SLC24A3: variants seen among roughly 807,000 people sequenced by gnomAD.
SLC24A3 encodes the protein solute carrier family 24 member 3.
SLC24A3 carries 28 observed loss-of-function variants against 75.8 expected under a neutral mutation model. The observed-to-expected ratio is 0.37, with a 90% CI of 0.27 to 0.51. The LOEUF is 0.51. Ranked by LOEUF, SLC24A3 falls within the 20% of genes least tolerant of loss-of-function variation. The probability of loss-of-function intolerance (pLI) is 0.94; values close to 1 mark genes in which losing one functional copy is unlikely to be tolerated. For missense variants in SLC24A3, 663 were observed against 847.8 expected (o/e 0.78, Z 2.71); for synonymous variants, 372 against 334.1 (o/e 1.11, Z -1.24).
In SLC24A3 at chr20:19,541,949, G is replaced by A. The variant is rs114951708; in HGVS notation, c.348+26385G>A. On this transcript the variant is annotated intron_variant, in intron 3 of 16. Transcript: ENST00000328041. ...GAGTAAGGGGAGCAAGGAACAGGGA[G>A]AGGAAAAAGCCTCAGCTCCTGCCCT... Among the ~76,000 whole-genome samples the A allele has an allele frequency of 3.3e-3, 502 of 152,304 alleles. 4 individuals carry two copies. Among genetic ancestry groups the A allele is most frequent in the African/African-American group, 0.011 (454 of 41,574 alleles).
intron 15 of SLC24A3, among the ~76,000 whole-genome samples, chr20:19,710,955 C>T (rs1207389793): frequency 6.6e-6 from 1 of 152,242 alleles, no homozygotes; most frequent in Non-Finnish European, 1.5e-5. Flanking sequence ...AGCCAACCCT[C>T]ACCATGGCCT....
At chr20:19,673,472 C>T (rs1568692944) in intron 8 of SLC24A3, 129 bp from the exon 9 acceptor site, 4 of 725,134 alleles carry the variant, frequency 5.5e-6, no homozygotes, top group East Asian at 5.1e-5. Flanking sequence ...AGGAAATATC[C>T]GTCACCTAGC....
intron 7 of SLC24A3, among the ~76,000 whole-genome samples, chr20:19,663,088 A>G (rs1300453623): frequency 6.6e-6 from 1 of 151,990 alleles, no homozygotes; most frequent in Non-Finnish European, 1.5e-5. Context: ...GTTTTTTTAG[A>G]GACAGGGTCT....
intron 3 of SLC24A3, among the ~76,000 whole-genome samples, chr20:19,571,108 G>T (rs537643491): frequency 6.6e-6 from 1 of 152,184 alleles, no homozygotes; most frequent in African/African-American, 2.4e-5. Flanking sequence ...TTCAAATCCT[G>T]CCTCTATCAC....
chr20:19,284,826 C>T (rs1983766229), intron 2 of SLC24A3, among the ~76,000 whole-genome samples: 1 of 152,218 alleles, frequency 6.6e-6, no homozygotes, highest in Non-Finnish European at 1.5e-5. Context: ...GTTTGCCTCT[C>T]AGATTACCAT....
At chr20:19,495,036 G>C (rs867568996) in intron 2 of SLC24A3, among the ~76,000 whole-genome samples, 86 of 152,310 alleles carry the variant, frequency 5.6e-4, no homozygotes, top group African/African-American at 2.0e-3. Context: ...GGAGACCATG[G>C]AGTGTGAATG....
intron 3 of SLC24A3, among the ~76,000 whole-genome samples, chr20:19,557,312 G>A (rs1391517607): frequency 6.6e-6 from 1 of 152,160 alleles, no homozygotes; most frequent in Non-Finnish European, 1.5e-5. Flanking sequence ...GGGCTGGCCT[G>A]CAAGAGTCAA....
chr20:19,368,344 T>C (rs1985933886), intron 2 of SLC24A3, among the ~76,000 whole-genome samples: 1 of 152,162 alleles, frequency 6.6e-6, no homozygotes, highest in Admixed American at 6.5e-5. Flanking sequence ...CAAACCAAGA[T>C]CCCAAGACTG....
At chr20:19,488,888 CT>C (rs1349746390) in intron 2 of SLC24A3, among the ~76,000 whole-genome samples, 1 of 152,162 alleles carries the variant, frequency 6.6e-6, no homozygotes. Flanking sequence ...AAAAGTGTCA[CT>C]GTCTCAGCCC....
chr20:19,666,998 G>A (rs1423558704), intron 8 of SLC24A3, among the ~76,000 whole-genome samples: 1 of 152,172 alleles, frequency 6.6e-6, no homozygotes, highest in Non-Finnish European at 1.5e-5. Flanking sequence ...AATAGGCGTA[G>A]GTAGAAAATC....
chr20:19,561,515 C>T lies in SLC24A3; in HGVS notation c.349-18485C>T, dbSNP rs1224344327. On this transcript the variant is annotated intron_variant, in intron 3 of 16. Transcript: ENST00000328041. ...TATGTGTCTGTTTCTATGGAAGTAG[C>T]CCCCACAGATGCAGTCGAAGAATAA... Among the ~76,000 whole-genome samples the T allele has an allele frequency of 3.9e-5, 6 of 152,254 alleles. No homozygotes were observed. The East Asian group carries it at 1.2e-3, about 29-fold the overall frequency.
At position 19,281,005 on chromosome 20, in the gene SLC24A3, G is replaced by A. The variant is rs1469445576; in HGVS notation, c.189G>A (p.Met63Ile). 6.2e-7 allele frequency: 1 copy of A among 1,614,082 alleles called. No homozygotes were observed. Among genetic ancestry groups the A allele is most frequent in the South Asian group, 1.1e-5 (1 of 91,058 alleles). ...TAGGGGAAGACAGAAAGTGGATGAT[G>A]GCGAGGAAGCTGATGCAGGTGAACG... The part of the protein sequence containing the change: ...DLVGEDRKWM[M>I]ARKLMQVNDT... Residue 63 changes from methionine (M) to isoleucine (I), a missense_variant, in exon 2 of 17, where the codon ATG (methionine) becomes ATA (isoleucine). Coordinates refer to ENST00000328041, the MANE Select transcript of SLC24A3 (RefSeq NM_020689.4).
intron 1 of SLC24A3, among the ~76,000 whole-genome samples, chr20:19,225,287 T>G (rs991849259): frequency 2.0e-4 from 31 of 152,298 alleles, no homozygotes; most frequent in Admixed American, 1.9e-3. Context: ...AACCCAGGCT[T>G]TGTAAACGTG....
chr20:19,622,072 G>A (rs144793830), intron 6 of SLC24A3, among the ~76,000 whole-genome samples: 1 of 152,334 alleles, frequency 6.6e-6, no homozygotes, highest in Non-Finnish European at 1.5e-5. Flanking sequence ...CAGAGTCAGG[G>A]ACCCAGAAAG....
At chr20:19,427,462 C>G (rs1167690914) in intron 2 of SLC24A3, among the ~76,000 whole-genome samples, 1 of 152,178 alleles carries the variant, frequency 6.6e-6, no homozygotes, top group Non-Finnish European at 1.5e-5. Flanking sequence ...AATGTAAATA[C>G]TGTTTAGAAA....
chr20:19,434,706 G>C (rs1987166512), intron 2 of SLC24A3, among the ~76,000 whole-genome samples: 1 of 151,780 alleles, frequency 6.6e-6, no homozygotes, highest in Admixed American at 6.6e-5. Flanking sequence ...ACAAAGTAAA[G>C]GGATTTTACA....
chr20:19,698,086 A>AAGACATGTGTAAG (rs1251898701), intron 14 of SLC24A3, among the ~76,000 whole-genome samples: 9 of 152,176 alleles, frequency 5.9e-5, no homozygotes, highest in Non-Finnish European at 1.2e-4. Context: ...GGCATGTCTT[A>AAGACATGTGTAAG]CACAGCAGGA....
chr20:19,630,839 A>G (rs905824639), intron 6 of SLC24A3, among the ~76,000 whole-genome samples: 6 of 152,236 alleles, frequency 3.9e-5, no homozygotes, highest in Non-Finnish European at 8.8e-5. Context: ...GGACCAGAAC[A>G]GCAAGGAGGG....
intron 2 of SLC24A3, among the ~76,000 whole-genome samples, chr20:19,497,572 A>ATAAG (rs11472358): frequency 2.6e-5 from 4 of 151,698 alleles, no homozygotes; most frequent in African/African-American, 7.3e-5. Context: ...TAGGGTTTGC[A>ATAAG]CATTTTTTCC....
Sources: gnomAD v4.1 joint callset for allele counts (sites outside exome capture counted in the v4.1 genomes callset) on GRCh38, gnomAD v4.1.1 for gene constraint, MANE v1.5 for transcripts, NCBI Gene and HGNC (gene_info 2026-07-23, HGNC 2026-07-21) for gene names.